UGT1A9: variants seen among roughly 807,000 people sequenced by gnomAD.
The protein encoded by UGT1A9 is UDP glucuronosyltransferase family 1 member A9, also known as UDP-glucuronosyltransferase 1A9.
A neutral mutation model predicts 45.0 loss-of-function variants in UGT1A9; 35 were observed. That is an observed-to-expected ratio of 0.78 (90% CI 0.59 to 1.03). The LOEUF is 1.03. UGT1A9 is among the 50% of genes least tolerant of loss of function. The probability of loss-of-function intolerance (pLI) is 0.00; values close to 1 mark genes in which losing one functional copy is unlikely to be tolerated. For missense variants in UGT1A9, 687 were observed against 666.6 expected (o/e 1.03, Z -0.34); for synonymous variants, 278 against 250.6 (o/e 1.11, Z -1.03).
chr2:233,760,041 G>A (rs1458038785), intron 1 of UGT1A9, among the ~76,000 whole-genome samples: 2 of 152,178 alleles, frequency 1.3e-5, no homozygotes, highest in Admixed American at 6.5e-5. Context: ...GTACTTTGCT[G>A]TGTTCACTCA....
chr2:233,768,519 G>A, intron 4 of UGT1A9, 80 bp downstream of exon 4: 2 of 1,531,284 alleles, frequency 1.3e-6, no homozygotes, highest in Non-Finnish European at 1.8e-6. Flanking sequence ...CATTTACGTA[G>A]CATTTAATAG....
At chr2:233,752,814 C>T (rs1695070900) in intron 1 of UGT1A9, among the ~76,000 whole-genome samples, 1 of 152,214 alleles carries the variant, frequency 6.6e-6, no homozygotes, top group African/African-American at 2.4e-5. Flanking sequence ...GAACACTTCC[C>T]ATTTATGACA....
chr2:233,686,504 G>A (rs1053789144), intron 1 of UGT1A9, among the ~76,000 whole-genome samples: 1 of 152,032 alleles, frequency 6.6e-6, no homozygotes, highest in Admixed American at 6.5e-5. Flanking sequence ...GGTGAGCCCA[G>A]GTGGAGCCTC....
In UGT1A9 at chr2:233,729,768, G is replaced by C. The variant is rs559236569; in HGVS notation, c.856-37266G>C. Reference sequence around the variant, plus strand: ...CATTCATGCAAAGGGTCAAGAACATGCTCTACCCTCTGGCCCTGTCCTACA... The same window carrying C: ...CATTCATGCAAAGGGTCAAGAACATCCTCTACCCTCTGGCCCTGTCCTACA... On this transcript the variant is annotated intron_variant, in intron 1 of 4. Coordinates refer to ENST00000354728, the MANE Select transcript of UGT1A9 (RefSeq NM_021027.3). The C allele has an allele frequency of 1.9e-6, 3 of 1,613,956 alleles. No individual in the cohort carries two copies. The highest frequency in any genetic ancestry group is 3.3e-5 in the Admixed American group (2 of 60,020).
chr2:233,706,733 A>G (rs2075921248), intron 1 of UGT1A9, among the ~76,000 whole-genome samples: 1 of 152,222 alleles, frequency 6.6e-6, no homozygotes, highest in African/African-American at 2.4e-5. Flanking sequence ...CAGGGTTGAC[A>G]GTGACTGTGA....
At chr2:233,753,112 C>T (rs1267815033) in intron 1 of UGT1A9, 1 of 152,194 alleles carries the variant, frequency 6.6e-6, no homozygotes, top group African/African-American at 2.4e-5. Context: ...CAAACCCATC[C>T]CCAGCAAACT....
intron 1 of UGT1A9, chr2:233,713,770 A>C: frequency 1.9e-6 from 3 of 1,613,732 alleles, no homozygotes; most frequent in Non-Finnish European, 2.5e-6. Flanking sequence ...TTCCGAGGGG[A>C]CTTTGTGATG....
At chr2:233,708,644 G>C (rs970833084) in intron 1 of UGT1A9, 1 of 152,176 alleles carries the variant, frequency 6.6e-6, no homozygotes, top group Non-Finnish European at 1.5e-5. Flanking sequence ...CTAACTACTC[G>C]GAAGGCTGAG....
intron 1 of UGT1A9, among the ~76,000 whole-genome samples, chr2:233,734,004 T>A (rs2078466874): frequency 6.6e-6 from 1 of 151,924 alleles, no homozygotes; most frequent in South Asian, 2.1e-4. Context: ...ATACCTAATG[T>A]TAAATGACGA....
intron 1 of UGT1A9, among the ~76,000 whole-genome samples, chr2:233,701,615 G>A (rs1575471744): frequency 6.6e-6 from 1 of 152,268 alleles, no homozygotes; most frequent in East Asian, 1.9e-4. Flanking sequence ...CTCAGCAAAC[G>A]TAAAAGAACA....
At chr2:233,729,900 A>G in intron 1 of UGT1A9, 1 of 1,613,884 alleles carries the variant, frequency 6.2e-7, no homozygotes, top group Non-Finnish European at 8.5e-7. Flanking sequence ...GGCTGTTCCG[A>G]GGGGACTTTG....
At chr2:233,676,410 C>G (rs1036977236) in intron 1 of UGT1A9, among the ~76,000 whole-genome samples, 2 of 152,186 alleles carry the variant, frequency 1.3e-5, no homozygotes, top group African/African-American at 4.8e-5. Context: ...TACCCTGTGT[C>G]CAGTTTCCAC....
rs376278520 is a variant in UGT1A9, at chr2:233,729,272, G to A, written c.856-37762G>A. The A allele has an allele frequency of 1.9e-5, 30 of 1,614,080 alleles. No homozygotes were observed. The highest frequency in any genetic ancestry group is 9.3e-5 in the African/African-American group (7 of 74,926). ...TGGCTCAGCATGCGGGAGGTCTTGC[G>A]GGAGCTCCATGCCAGAGGCCACCAG... On this transcript the variant is annotated intron_variant, in intron 1 of 4. Coordinates refer to ENST00000354728, the MANE Select transcript of UGT1A9 (RefSeq NM_021027.3).
Position 233,727,076 on chromosome 2 carries a change from C to T in UGT1A9, c.856-39958C>T, listed in dbSNP as rs574728878. Among the ~76,000 whole-genome samples the T allele has an allele frequency of 2.4e-4, 36 of 152,290 alleles. No individual in the cohort carries two copies. In the South Asian group the frequency reaches 7.5e-3, roughly 32 times the overall value. ...GAAGATTAGTTTCTGTGTTCTCTTA[C>T]AAACATTAAAGAATTCCAGTTTGTG... On this transcript the variant is annotated intron_variant, in intron 1 of 4. Coordinates refer to ENST00000354728, the MANE Select transcript of UGT1A9 (RefSeq NM_021027.3).
chr2:233,748,792 C>G (rs1168235446), intron 1 of UGT1A9, among the ~76,000 whole-genome samples: 1 of 151,266 alleles, frequency 6.6e-6, no homozygotes, highest in Non-Finnish European at 1.5e-5. Context: ...ACTTGGAATG[C>G]TGAAATTATC....
At position 233,760,380 on chromosome 2, in the gene UGT1A9, G is replaced by C. The variant is rs768058050; in HGVS notation, c.856-6654G>C. 4.3e-6 allele frequency: 7 copies of C among 1,614,074 alleles called. No individual in the cohort carries two copies. The East Asian group carries it at 1.6e-4, about 36-fold the overall frequency. ...TGGTGTCCCATGCTGGGAAGATACT[G>C]TTGATCCCAGTGGATGGCAGCCACT... On this transcript the variant is annotated intron_variant, in intron 1 of 4. Transcript: ENST00000354728.
At chr2:233,717,497 T>A (rs2076580358) in intron 1 of UGT1A9, among the ~76,000 whole-genome samples, 1 of 152,206 alleles carries the variant, frequency 6.6e-6, no homozygotes, top group Admixed American at 6.5e-5. Flanking sequence ...GTTATCAATG[T>A]GGATTTCTAA....
At chr2:233,685,342 T>C (rs1160344395) in intron 1 of UGT1A9, among the ~76,000 whole-genome samples, 1 of 152,088 alleles carries the variant, frequency 6.6e-6, no homozygotes, top group African/African-American at 2.4e-5. Flanking sequence ...CTTAAAGTGG[T>C]TTTAATGAGA....
intron 1 of UGT1A9, among the ~76,000 whole-genome samples, chr2:233,765,626 G>A (rs892364448): frequency 2.0e-5 from 3 of 151,774 alleles, no homozygotes; most frequent in Admixed American, 2.0e-4. Context: ...GGTGAGGGGA[G>A]GAACTTAGAG....
Sources: gnomAD v4.1 joint callset for allele counts (sites outside exome capture counted in the v4.1 genomes callset) on GRCh38, gnomAD v4.1.1 for gene constraint, MANE v1.5 for transcripts, NCBI Gene and HGNC (gene_info 2026-07-23, HGNC 2026-07-21) for gene names.